The following RCCD1 variants were observed in gnomAD, a reference collection of about 807,000 sequenced individuals.
RCCD1 encodes the protein RCC1 domain-containing protein 1.
A neutral mutation model predicts 37.6 loss-of-function variants in RCCD1; 40 were observed. That is an observed-to-expected ratio of 1.06 (90% CI 0.83 to 1.39). RCCD1 has a LOEUF of 1.39. Among genes scored for constraint, RCCD1 ranks in the 40% most tolerant of loss-of-function variants. The probability of loss-of-function intolerance (pLI) is 0.00; values close to 1 mark genes in which losing one functional copy is unlikely to be tolerated. For synonymous variants in RCCD1, 263 were observed against 230.0 expected, an observed-to-expected ratio of 1.14 and a Z score of -1.30; for missense variants, 577 against 517.3, an observed-to-expected ratio of 1.12 and a Z score of -1.12.
In RCCD1 at chr15:90,961,770, CAT is replaced by C. The variant is rs111317614; in HGVS notation, c.*2_*3del. 7,193 of 1,613,480 alleles carry C rather than the reference CAT, an allele frequency of 4.5e-3. 271 individuals are homozygous for C. The African/African-American group carries it at 0.081, about 18-fold the overall frequency. Reference sequence around the variant, plus strand: ...TGCTGTGGAGAAAGGGAAGAGCTGACATGTGTACGTATATGTATATGCAACAC... The same window carrying C: ...TGCTGTGGAGAAAGGGAAGAGCTGACGTGTACGTATATGTATATGCAACAC... On this transcript the variant is annotated 3_prime_UTR_variant, in exon 8 of 8. Transcript: ENST00000394258.
At chr15:90,960,033 CA>C in intron 5 of RCCD1, 35 bp downstream of exon 5, 8 of 1,509,102 alleles carry the variant, frequency 5.3e-6, no homozygotes, top group Non-Finnish European at 7.3e-6. Flanking sequence ...GCCGTCTCCC[CA>C]GGATGTGGCT....
chr15:90,959,406 G>A (rs2037269092), intron 4 of RCCD1, among the ~76,000 whole-genome samples: 2 of 152,328 alleles, frequency 1.3e-5, no homozygotes, highest in African/African-American at 2.4e-5. Context: ...CATCAGGACC[G>A]GCTGTGGGTG....
At position 90,959,903 on chromosome 15, in the gene RCCD1, C is replaced by T; in HGVS notation, c.683C>T (p.Thr228Ile). Residue 228 changes from threonine to isoleucine, a missense_variant, in exon 5 of 8, where the codon ACT becomes ATT. Transcript: ENST00000394258. The part of the protein sequence containing the change: ...GGWHSVCVSE[T>I]GDIYIWGWNE... Reference sequence around the variant, plus strand: ...GTGTCCCCTTGATCTCTTTCAGAGACTGGGGATATTTATATCTGGGGCTGG... The same window carrying T: ...GTGTCCCCTTGATCTCTTTCAGAGATTGGGGATATTTATATCTGGGGCTGG... 1 of 1,609,482 alleles carries T rather than the reference C, an allele frequency of 6.2e-7. No homozygotes were observed. The highest frequency in any genetic ancestry group is 8.5e-7 in the Non-Finnish European group (1 of 1,176,622).
At position 90,957,875 on chromosome 15, in the gene RCCD1, C is replaced by T. The variant is rs2151381239; in HGVS notation, c.679+150C>T. The T allele has an allele frequency of 6.9e-6, 7 of 1,019,870 alleles. No homozygotes were observed. In the South Asian group the frequency reaches 9.5e-5, roughly 14 times the overall value. 63.2% of individuals were successfully genotyped at this position (1,019,870 alleles called of 1,614,324 possible). On this transcript the variant is annotated intron_variant, in intron 4 of 7. Transcript: ENST00000394258. ...GTTATGACTCCTAAATGCCTCTCAC[C>T]CTCGGCCTCCTCTGCCTGCACCATG...
intron 7 of RCCD1, chr15:90,961,380 T>C: frequency 1.7e-6 from 1 of 585,160 alleles, no homozygotes; most frequent in South Asian, 2.1e-5. Flanking sequence ...TGGAAGTGTG[T>C]GCTCTGAACA....
rs1421343591 is a variant in RCCD1 at position 90,961,703 on chromosome 15, A to G, written c.1065A>G (p.Gln355=). 3.7e-6 allele frequency: 6 copies of G among 1,614,210 alleles called. No individual in the cohort carries two copies. Among genetic ancestry groups the G allele is most frequent in the East Asian group, 2.2e-5 (1 of 44,894 alleles). ...RVEYFVDKQL[Q]VKAVTCGPWN... ...AATACTTTGTAGATAAGCAACTCCA[A>G]GTAAAGGCTGTCACCTGTGGGCCGT... Residue 355 remains glutamine, a synonymous_variant, in exon 8 of 8, where the codon CAA becomes CAG. Coordinates refer to ENST00000394258, the MANE Select transcript of RCCD1 (RefSeq NM_001017919.2).
rs758952424 is a variant in RCCD1 at position 90,957,704 on chromosome 15, T to C, written c.658T>C (p.Trp220Arg). ...CATGGCTGAGGTGGCCGCGGGGGGC[T>C]GGCATTCTGTGTGTGTGAGTGGTGA... ...LVMAEVAAGGWHSVCVSETGD... is the reference protein window; with the variant it reads ...LVMAEVAAGGRHSVCVSETGD... The change falls in exon 4 of 8, where the codon TGG becomes CGG. Residue 220 changes from tryptophan to arginine, a missense_variant. Physicochemically the swap from Trp to Arg is moderately radical, Grantham distance 101. Coordinates refer to ENST00000394258, the MANE Select transcript of RCCD1 (RefSeq NM_001017919.2). The C allele has an allele frequency of 1.2e-6, 2 of 1,611,766 alleles. No individual in the cohort carries two copies. The highest frequency in any genetic ancestry group is 1.7e-5 in the Admixed American group (1 of 59,742).
rs2037213739 is a variant in RCCD1 at position 90,957,166 on chromosome 15, A to G, written c.220A>G (p.Lys74Glu). The part of the protein sequence containing the change: ...GSASGAAGRC[K>E]DAWASEGLLA... ...AGCCAGCGGCGCGGCGGGCCGCTGC[A>G]AGGACGCGTGGGCCTCGGAGGGGCT... The change falls in exon 3 of 8, where the codon AAG becomes GAG. Residue 74 changes from lysine to glutamate, a missense_variant. Transcript: ENST00000394258. 10 of 1,372,138 alleles carry G rather than the reference A, an allele frequency of 7.3e-6. No homozygotes were observed. The highest frequency in any genetic ancestry group is 9.4e-6 in the Non-Finnish European group (10 of 1,069,340). The allele number at this position is 1,372,138 out of a possible 1,614,324, so 85.0% of individuals were successfully genotyped here. A position where few individuals can be genotyped will look rare whatever the true frequency, so the allele number is the denominator to read the frequency against.
At position 90,961,820 on chromosome 15, in the gene RCCD1, A is replaced by C. The variant is rs1053425616; in HGVS notation, c.*51A>C. ...CACCTGTGAGACCCCCATTCAGGTC[A>C]AGGAAAACCATTGCCTGCACCCCAA... On this transcript the variant is annotated 3_prime_UTR_variant, in exon 8 of 8. Coordinates refer to ENST00000394258, the MANE Select transcript of RCCD1 (RefSeq NM_001017919.2). 1 of 1,568,508 alleles carries C rather than the reference A, an allele frequency of 6.4e-7. No homozygotes were observed. Among genetic ancestry groups the C allele is most frequent in the African/African-American group, 1.4e-5 (1 of 73,598 alleles).
At chr15:90,957,091 C>T (rs1214013763) in intron 2 of RCCD1, 22 bp from the exon 3 acceptor site, 2 of 1,338,026 alleles carry the variant, frequency 1.5e-6, no homozygotes, top group African/African-American at 1.5e-5. Context: ...TTCTGGCCAC[C>T]CTGCTCCAAT....
At chr15:90,955,305 C>T (rs538254262) in intron 1 of RCCD1, 57 of 152,364 alleles carry the variant, frequency 3.7e-4, no homozygotes, top group African/African-American at 1.3e-3. Context: ...GCCGCGCGCC[C>T]TTCAAACCTT....
At chr15:90,960,786 G>A (rs2037299277) in intron 6 of RCCD1, 2 of 642,190 alleles carry the variant, frequency 3.1e-6, no homozygotes, top group Non-Finnish European at 5.6e-6. Context: ...TGTCCAGTCT[G>A]GCATGGAAGA....
At chr15:90,958,806 C>T (rs2037255744) in intron 4 of RCCD1, among the ~76,000 whole-genome samples, 1 of 151,574 alleles carries the variant, frequency 6.6e-6, no homozygotes, top group African/African-American at 2.4e-5. Flanking sequence ...GCGGCTCGTG[C>T]CTGTGGTCCC....
Position 90,961,052 on chromosome 15 carries a change from G to A in RCCD1, c.977G>A (p.Trp326Ter). The change falls in exon 7 of 8, where the codon TGG becomes TAG. Residue 326 changes from tryptophan to a stop codon, truncating the protein, a stop_gained and splice_region_variant. Transcript: ENST00000394258. LOFTEE classifies it high-confidence loss of function. ...TRTGELYTWG[W>*]GKYGQLGHED... ...ACAGGGGAGCTCTACACCTGGGGCT[G>A]GGGTAAGTAAAAGGATTGTTTTTGT... The A allele has an allele frequency of 6.2e-7, 1 of 1,613,722 alleles. No individual in the cohort carries two copies. The highest frequency in any genetic ancestry group is 8.5e-7 in the Non-Finnish European group (1 of 1,179,904).
At chr15:90,956,207 A>G (rs1405071851) in intron 1 of RCCD1, among the ~76,000 whole-genome samples, 2 of 152,166 alleles carry the variant, frequency 1.3e-5, no homozygotes, top group Non-Finnish European at 2.9e-5. Flanking sequence ...GGGGCAGAGC[A>G]CTGTGTGTGG....
Position 90,961,805 on chromosome 15 carries a change from AC to A in RCCD1, c.*41del. On this transcript the variant is annotated 3_prime_UTR_variant, in exon 8 of 8. Coordinates refer to ENST00000394258, the MANE Select transcript of RCCD1 (RefSeq NM_001017919.2). ...TATATGTATATGCAACACCTGTGAG[AC>A]CCCCATTCAGGTCAAGGAAAACCAT... 2 of 1,586,048 alleles carry A rather than the reference AC, an allele frequency of 1.3e-6. No homozygotes were observed. Among genetic ancestry groups the A allele is most frequent in the Admixed American group, 1.7e-5 (1 of 57,218 alleles).
chr15:90,959,906 G>A lies in RCCD1; in HGVS notation c.686G>A (p.Gly229Glu). The A allele has an allele frequency of 6.2e-7, 1 of 1,611,862 alleles. No individual in the cohort carries two copies. The highest frequency in any genetic ancestry group is 1.1e-5 in the South Asian group (1 of 90,934). Residue 229 changes from glycine to glutamate, a missense_variant, in exon 5 of 8, where the codon GGG (glycine) becomes GAG (glutamate). Gly to Glu is a moderately conservative substitution (Grantham distance 98). Transcript: ENST00000394258. The part of the protein sequence containing the change: ...GWHSVCVSET[G>E]DIYIWGWNES... ...TCCCCTTGATCTCTTTCAGAGACTG[G>A]GGATATTTATATCTGGGGCTGGAAT...
At chr15:90,956,196 A>G (rs2037189217) in intron 1 of RCCD1, among the ~76,000 whole-genome samples, 1 of 152,148 alleles carries the variant, frequency 6.6e-6, no homozygotes, top group Admixed American at 6.5e-5. Context: ...CTGTGGGGAG[A>G]GGGGCAGAGC....
chr15:90,960,913 C>T, intron 6 of RCCD1, 112 bp from the exon 7 acceptor site: 1 of 980,040 alleles, frequency 1.0e-6, no homozygotes, highest in Non-Finnish European at 1.7e-6. Flanking sequence ...CCATGCCAGG[C>T]AGATCTCATG....
Sources: allele counts gnomAD v4.1 joint callset (sites outside exome capture counted in the v4.1 genomes callset), GRCh38; gene constraint gnomAD v4.1.1; transcripts MANE v1.5; gene names NCBI Gene and HGNC (gene_info 2026-07-23, HGNC 2026-07-21).